The following SH3KBP1 variants were observed in gnomAD, a reference collection of about 807,000 sequenced individuals.
SH3KBP1 encodes SH3 domain containing kinase binding protein 1.
In SH3KBP1, 8 loss-of-function variants were observed where a neutral mutation model predicts 50.1. The ratio of observed to expected loss-of-function variants is 0.16; its 90% CI spans 0.09 to 0.29. SH3KBP1 has a LOEUF of 0.29. Among genes scored for constraint, SH3KBP1 ranks in the 10% least tolerant of loss-of-function variants. SH3KBP1 has a pLI of 1.00. For missense variants in SH3KBP1, 377 were observed against 535.2 expected, an observed-to-expected ratio of 0.70 and a Z score of 2.92; for synonymous variants, 227 against 218.6, an observed-to-expected ratio of 1.04 and a Z score of -0.34.
intron 6 of SH3KBP1, among the ~76,000 whole-genome samples, chrX:19,668,965 TA>T (rs1569404982): frequency 0.01 from 549 of 53,635 alleles, 15 homozygotes; most frequent in African/African-American, 0.053. Flanking sequence ...TATATATATA[TA>T]TATATATATT....
intron 6 of SH3KBP1, among the ~76,000 whole-genome samples, chrX:19,682,894 CAA>C (rs552090695): frequency 3.7e-4 from 20 of 54,030 alleles, no homozygotes; most frequent in Admixed American, 4.3e-4. Context: ...GTTATCCCAC[CAA>C]AAAAAAAAAA....
At chrX:19,589,685 G>C (rs2066680966) in intron 11 of SH3KBP1, among the ~76,000 whole-genome samples, 2 of 110,517 alleles carry the variant, frequency 1.8e-5, no homozygotes, top group Admixed American at 1.9e-4. Context: ...GATAAAGATG[G>C]AACTTGAGAG....
At chrX:19,887,271 G>T in intron 1 of SH3KBP1, 36 bp downstream of exon 1, 1 of 974,393 alleles carries the variant, frequency 1.0e-6, no homozygotes, top group Non-Finnish European at 1.3e-6. Context: ...CCTCAAGGCT[G>T]AAGTGGACGC....
In SH3KBP1 at chrX:19,541,993, G is replaced by A. The variant is rs11552353; in HGVS notation, c.1824C>T (p.Ala608=). 2.7e-5 allele frequency: 33 copies of A among 1,210,102 alleles called. No individual in the cohort carries two copies. The highest frequency in any genetic ancestry group is 5.9e-5 in the East Asian group (2 of 33,728). The stretch of plus-strand genomic sequence containing the variant: ...GGACCTGTGTCCTTAGCTCCTCCAC[G>A]GCCGCCTGGCTGCTGGCCGCAGGCT... ...KMEPAASSQA[A]VEELRTQVRE... The change falls in exon 16 of 18, where the codon GCC becomes GCT. Residue 608 remains alanine (A), a synonymous_variant. Transcript: ENST00000397821.
At chrX:19,590,809 ATTTTTTTTTTTTT>A (rs34366083) in intron 11 of SH3KBP1, among the ~76,000 whole-genome samples, 24 of 23,766 alleles carry the variant, frequency 1.0e-3, no homozygotes, top group East Asian at 9.0e-3. Flanking sequence ...AGGCCTGGCT[ATTTTTTTTTTTTT>A]TTTTTTTTTT....
intron 3 of SH3KBP1, among the ~76,000 whole-genome samples, chrX:19,736,828 C>T (rs2064593130): frequency 9.0e-6 from 1 of 111,238 alleles, no homozygotes; most frequent in Admixed American, 9.5e-5. Context: ...CCAGAGCTTA[C>T]TGCAAGTGAA....
At chrX:19,710,547 C>T (rs1221448203) in intron 3 of SH3KBP1, among the ~76,000 whole-genome samples, 1 of 112,101 alleles carries the variant, frequency 8.9e-6, no homozygotes, top group African/African-American at 3.3e-5. Flanking sequence ...AGAAAGAGAA[C>T]ACATTCCCAT....
At chrX:19,611,785 T>C (rs1315966347) in intron 8 of SH3KBP1, among the ~76,000 whole-genome samples, 1 of 110,492 alleles carries the variant, frequency 9.1e-6, no homozygotes, top group Non-Finnish European at 1.9e-5. Flanking sequence ...AGGAAAACAC[T>C]AACAGTGCTA....
At chrX:19,711,281 C>T (rs1464132876) in intron 3 of SH3KBP1, among the ~76,000 whole-genome samples, 2 of 111,517 alleles carry the variant, frequency 1.8e-5, no homozygotes, top group Non-Finnish European at 3.8e-5. Context: ...AGCTGCTGGG[C>T]ACTTGGGCCC....
chrX:19,605,619 C>G (rs1427432854), intron 9 of SH3KBP1, among the ~76,000 whole-genome samples: 1 of 111,416 alleles, frequency 9.0e-6, no homozygotes, highest in South Asian at 3.8e-4. Flanking sequence ...AGGCCTATAT[C>G]AAGTGTCCTT....
chrX:19,741,378 G>A (rs1235142765), intron 3 of SH3KBP1, among the ~76,000 whole-genome samples: 1 of 112,288 alleles, frequency 8.9e-6, no homozygotes, highest in African/African-American at 3.2e-5. Context: ...GGAAGGGGCA[G>A]TAAAATGCAA....
Position 19,614,593 on chromosome X carries a change from G to A in SH3KBP1, c.898-6548C>T, listed in dbSNP as rs955637870. Among the ~76,000 whole-genome samples, 9 of 112,053 alleles carry A rather than the reference G, an allele frequency of 8.0e-5. No individual in the cohort carries two copies. The East Asian group carries it at 8.4e-4, about 10-fold the overall frequency. On this transcript the variant is annotated intron_variant, in intron 8 of 17. Transcript: ENST00000397821. ...ATTTGGGGGTGGGGAATGGGCACAG[G>A]AAATCAGTGCTTTTACAATGTCCCT...
At chrX:19,826,213 G>A (rs1474788460) in intron 2 of SH3KBP1, among the ~76,000 whole-genome samples, 1 of 111,994 alleles carries the variant, frequency 8.9e-6, no homozygotes, top group Non-Finnish European at 1.9e-5. Context: ...ATTCCCAAAG[G>A]CAGGTCATAG....
At chrX:19,865,315 T>G (rs2147521357) in intron 1 of SH3KBP1, among the ~76,000 whole-genome samples, 1 of 112,383 alleles carries the variant, frequency 8.9e-6, no homozygotes, top group South Asian at 3.7e-4. Context: ...TTCTTCTGGT[T>G]GTTTGGCTGG....
chrX:19,597,324 A>G (rs1263166603), intron 9 of SH3KBP1, among the ~76,000 whole-genome samples: 1 of 112,319 alleles, frequency 8.9e-6, no homozygotes, highest in Non-Finnish European at 1.9e-5. Context: ...TGGGCTTAAA[A>G]TATTTAGTAA....
intron 6 of SH3KBP1, among the ~76,000 whole-genome samples, chrX:19,657,467 C>T (rs1489830860): frequency 9.2e-6 from 1 of 108,592 alleles, no homozygotes; most frequent in South Asian, 4.0e-4. Context: ...TGGTGGCTCA[C>T]GCCTGTAATC....
chrX:19,725,371 T>C (rs1245771021), intron 3 of SH3KBP1, among the ~76,000 whole-genome samples: 1 of 108,874 alleles, frequency 9.2e-6, no homozygotes, highest in East Asian at 2.9e-4. Context: ...TCGGGTAGGC[T>C]GAGGTAGAAG....
Position 19,760,397 on chromosome X carries a change from AATACATACATACATAC to A in SH3KBP1, c.163-13972_163-13957del, listed in dbSNP as rs545437176. Among the ~76,000 whole-genome samples the A allele has an allele frequency of 6.1e-4, 59 of 96,650 alleles. No individual in the cohort carries two copies. The East Asian group carries it at 8.1e-3, about 13-fold the overall frequency. 83.9% of individuals were successfully genotyped at this position (96,650 alleles called of 115,157 possible). ...GTGAGATTCTGTCTCAAAATAAATA[AATACATACATACATAC>A]ATACATACATACATACATACATACA... On this transcript the variant is annotated intron_variant, in intron 2 of 17. Coordinates refer to ENST00000397821, the MANE Select transcript of SH3KBP1 (RefSeq NM_031892.3).
intron 2 of SH3KBP1, among the ~76,000 whole-genome samples, chrX:19,831,826 C>CCCAATT (rs955678428): frequency 7.6e-5 from 7 of 92,569 alleles, no homozygotes; most frequent in Non-Finnish European, 1.5e-4. Flanking sequence ...CACAAAACTA[C>CCCAATT]CCAATTCCAT....
Sources: gnomAD v4.1 joint callset for allele counts (sites outside exome capture counted in the v4.1 genomes callset) on GRCh38, gnomAD v4.1.1 for gene constraint, MANE v1.5 for transcripts, NCBI Gene and HGNC (gene_info 2026-07-23, HGNC 2026-07-21) for gene names.